The following GRAP2 variants were observed in gnomAD, a reference collection of about 807,000 sequenced individuals.
GRAP2 encodes GRB2 related adaptor protein 2, also known as GRB2-related adapter protein 2.
A neutral mutation model predicts 43.5 loss-of-function variants in GRAP2; 31 were observed. That is an observed-to-expected ratio of 0.71 (90% CI 0.54 to 0.96). The LOEUF is 0.96. GRAP2 is among the 40% of genes least tolerant of loss of function. The pLI, the probability that GRAP2 is intolerant of heterozygous loss-of-function variation, is 0.00. For missense variants in GRAP2, 371 were observed against 424.4 expected (o/e 0.87, Z 1.11); for synonymous variants, 156 against 164.8 (o/e 0.95, Z 0.41).
intron 1 of GRAP2, among the ~76,000 whole-genome samples, chr22:39,928,107 C>T (rs1416754615): frequency 1.3e-5 from 2 of 152,216 alleles, no homozygotes; most frequent in Non-Finnish European, 2.9e-5. Flanking sequence ...AGGCCAAACT[C>T]CTTTCACCCA....
In GRAP2 at chr22:39,907,837, C is replaced by G. The variant is rs1334726857; in HGVS notation, c.-15+6507C>G. On this transcript the variant is annotated intron_variant, in intron 1 of 7. Transcript: ENST00000344138. ...CAGACCACAGATTTTACCTCTCATT[C>G]TGCAGAGTGGGAAAAGCAAGGCTTG... 3.3e-5 allele frequency among the ~76,000 whole-genome samples: 5 copies of G among 152,330 alleles called. No individual in the cohort carries two copies. The East Asian group carries it at 9.6e-4, about 29-fold the overall frequency.
At chr22:39,943,726 T>C (rs2066893671) in intron 1 of GRAP2, among the ~76,000 whole-genome samples, 1 of 151,058 alleles carries the variant, frequency 6.6e-6, no homozygotes, top group African/African-American at 2.4e-5. Context: ...CTTTCTTTTT[T>C]TTTTTTTTTT....
At chr22:39,926,707 T>C in intron 1 of GRAP2, 3 of 984,080 alleles carry the variant, frequency 3.0e-6, no homozygotes, top group Non-Finnish European at 3.6e-6. Context: ...GGGGGATTGG[T>C]TTTTTTTCCA....
intron 1 of GRAP2, among the ~76,000 whole-genome samples, chr22:39,914,070 C>A (rs1051324966): frequency 1.2e-4 from 18 of 152,072 alleles, no homozygotes; most frequent in African/African-American, 4.3e-4. Context: ...CCTTTTAATC[C>A]CCTCATTATC....
At chr22:39,924,105 C>T (rs1228317579) in intron 1 of GRAP2, among the ~76,000 whole-genome samples, 1 of 152,214 alleles carries the variant, frequency 6.6e-6, no homozygotes, top group Non-Finnish European at 1.5e-5. Context: ...TTCAATCATT[C>T]TCCCTTTAAA....
chr22:39,914,237 C>T (rs2066587196), intron 1 of GRAP2, among the ~76,000 whole-genome samples: 1 of 152,160 alleles, frequency 6.6e-6, no homozygotes, highest in South Asian at 2.1e-4. Context: ...TTATTAGTCT[C>T]TCTCCTCTCT....
At position 39,901,129 on chromosome 22, in the gene GRAP2, G is replaced by C. The variant is rs1230232239; in HGVS notation, c.-216G>C. On this transcript the variant is annotated 5_prime_UTR_variant, in exon 1 of 8. Transcript: ENST00000344138. ...GTTAGTTTGGAGGAGGGAGTAAGAGGTGGGGAGGAGGAGGCACAGTTAATG... is the reference window on the plus strand; with the variant it reads ...GTTAGTTTGGAGGAGGGAGTAAGAGCTGGGGAGGAGGAGGCACAGTTAATG... 2.4e-6 allele frequency: 1 copy of C among 423,632 alleles called. No homozygotes were observed. The highest frequency in any genetic ancestry group is 7.1e-5 in the East Asian group (1 of 14,156). 26.2% of individuals were successfully genotyped at this position (423,632 alleles called of 1,614,324 possible).
chr22:39,927,150 G>A (rs531708339), intron 1 of GRAP2, among the ~76,000 whole-genome samples: 6 of 152,238 alleles, frequency 3.9e-5, no homozygotes, highest in South Asian at 2.1e-4. Context: ...CAGATGCCAC[G>A]TTGATCACGT....
At chr22:39,933,828 G>A (rs941317447) in intron 1 of GRAP2, among the ~76,000 whole-genome samples, 4 of 150,408 alleles carry the variant, frequency 2.7e-5, no homozygotes, top group African/African-American at 7.4e-5. Flanking sequence ...GCAACAGAGC[G>A]AGACCCTGTC....
Position 39,968,176 on chromosome 22 carries a change from C to G in GRAP2, c.594C>G (p.His198Gln). 1.2e-6 allele frequency: 2 copies of G among 1,610,292 alleles called. No homozygotes were observed. Among genetic ancestry groups the G allele is most frequent in the Non-Finnish European group, 1.7e-6 (2 of 1,178,134 alleles). ...DHPPTLPLQQ[H>Q]QHQPQPPQYA... is the part of the protein sequence containing the mutation. ...CCCCGACCCTTCCCCTGCAGCAGCA[C>G]CAGCACCAGCCACAGCCTCCGCAAT... Residue 198 changes from histidine (H) to glutamine (Q), a missense_variant, in exon 6 of 8, where the codon CAC becomes CAG. Transcript: ENST00000344138.
intron 1 of GRAP2, among the ~76,000 whole-genome samples, chr22:39,938,126 T>C (rs1035134956): frequency 1.3e-5 from 2 of 152,136 alleles, no homozygotes; most frequent in Non-Finnish European, 2.9e-5. Flanking sequence ...AGGCCCTGCA[T>C]GGGGACAGTC....
intron 1 of GRAP2, among the ~76,000 whole-genome samples, chr22:39,907,265 G>A (rs2066529598): frequency 6.6e-6 from 1 of 152,102 alleles, no homozygotes; most frequent in South Asian, 2.1e-4. Context: ...AGATGTCAAC[G>A]AAAACTATGA....
At chr22:39,908,471 G>A (rs961982934) in intron 1 of GRAP2, among the ~76,000 whole-genome samples, 2 of 152,218 alleles carry the variant, frequency 1.3e-5, no homozygotes, top group Non-Finnish European at 2.9e-5. Flanking sequence ...GAGTCATATG[G>A]AAGTAAATAA....
Position 39,957,726 on chromosome 22 carries a change from G to A in GRAP2, c.170+1816G>A, listed in dbSNP as rs188321385. ...GAGGGAGGAGGATCACTTGTGGCTA[G>A]GAGTTTGAGACCAGCCTGGGCAACA... On this transcript the variant is annotated intron_variant, in intron 3 of 7. Transcript: ENST00000344138. 4.1e-3 allele frequency among the ~76,000 whole-genome samples: 630 copies of A among 152,244 alleles called. 5 individuals carry two copies. Among genetic ancestry groups the A allele is most frequent in the South Asian group, 7.9e-3 (38 of 4,826 alleles).
rs192909780 is a variant in GRAP2, at chr22:39,971,215, A to T, written c.*131A>T. On this transcript the variant is annotated 3_prime_UTR_variant, in exon 8 of 8. Coordinates refer to ENST00000344138, the MANE Select transcript of GRAP2 (RefSeq NM_004810.4). ...TGCCTGTGTACACACACAACTTTTT[A>T]TACTAGTAATTTATTGGCAATTGGG... is the stretch of plus-strand genomic sequence containing the variant. The T allele has an allele frequency of 6.1e-4, 392 of 645,630 alleles. No homozygotes were observed. Among genetic ancestry groups the T allele is most frequent in the Non-Finnish European group, 3.9e-4 (153 of 390,208 alleles). The allele number at this position is 645,630 out of a possible 1,614,324, so 40.0% of individuals were successfully genotyped here.
chr22:39,903,158 C>T (rs943562440), intron 1 of GRAP2, among the ~76,000 whole-genome samples: 3 of 152,146 alleles, frequency 2.0e-5, no homozygotes, highest in African/African-American at 7.2e-5. Flanking sequence ...AGTGTGATTC[C>T]ATCACGATTT....
rs1376209497 is a variant in GRAP2 at position 39,901,275 on chromosome 22, T to A, written c.-70T>A. On this transcript the variant is annotated 5_prime_UTR_variant, in exon 1 of 8. Transcript: ENST00000344138. ...TGTCTCCCTTCTTGCCAGAAAGGATTCTAATAACTCGGTGTCAAAGCCAAG... is the reference window on the plus strand; with the variant it reads ...TGTCTCCCTTCTTGCCAGAAAGGATACTAATAACTCGGTGTCAAAGCCAAG... 1.1e-5 allele frequency: 14 copies of A among 1,283,590 alleles called. No individual in the cohort carries two copies. The highest frequency in any genetic ancestry group is 1.2e-5 in the Non-Finnish European group (12 of 983,606). 79.5% of individuals were successfully genotyped at this position (1,283,590 alleles called of 1,614,324 possible).
chr22:39,908,462 A>T (rs2066537688), intron 1 of GRAP2, among the ~76,000 whole-genome samples: 1 of 152,166 alleles, frequency 6.6e-6, no homozygotes, highest in Non-Finnish European at 1.5e-5. Context: ...TAGTTCAGGG[A>T]GTCATATGGA....
At chr22:39,920,674 G>A (rs1337815657) in intron 1 of GRAP2, among the ~76,000 whole-genome samples, 2 of 151,996 alleles carry the variant, frequency 1.3e-5, no homozygotes, top group Non-Finnish European at 2.9e-5. Context: ...AGCTTGCCTT[G>A]GAAAAAATAA....
Sources: allele counts gnomAD v4.1 joint callset (sites outside exome capture counted in the v4.1 genomes callset), GRCh38; gene constraint gnomAD v4.1.1; transcripts MANE v1.5; gene names NCBI Gene and HGNC (gene_info 2026-07-23, HGNC 2026-07-21).